GRK3: variants seen among roughly 807,000 people sequenced by gnomAD.
GRK3 encodes the protein adrenergic, beta, receptor kinase 2.
In GRK3, 54 loss-of-function variants were observed where a neutral mutation model predicts 95.7. The ratio of observed to expected loss-of-function variants is 0.56; its 90% CI spans 0.45 to 0.71. GRK3 has a LOEUF of 0.71. GRK3 is among the 30% of genes least tolerant of loss of function. GRK3 has a pLI of 0.00. For synonymous variants in GRK3, 281 were observed against 290.8 expected (o/e 0.97, Z 0.34); for missense variants, 649 against 851.2 (o/e 0.76, Z 2.96).
chr22:25,587,880 C>A (rs1454973030), intron 1 of GRK3, among the ~76,000 whole-genome samples: 1 of 152,220 alleles, frequency 6.6e-6, no homozygotes, highest in Non-Finnish European at 1.5e-5. Context: ...GATTGTGAGG[C>A]CTCCCCAGCC....
Position 25,627,087 on chromosome 22 carries a change from G to C in GRK3, c.191-17505G>C, listed in dbSNP as rs547991334. On this transcript the variant is annotated intron_variant, in intron 2 of 20. Coordinates refer to ENST00000324198, the MANE Select transcript of GRK3 (RefSeq NM_005160.4). ...CATATTGCAGAGTACCTTGGGGAAG[G>C]GGAAGGAGGACAGATTCATAATACC... Among the ~76,000 whole-genome samples the C allele has an allele frequency of 7.9e-5, 12 of 152,262 alleles. No homozygotes were observed. In the East Asian group the frequency reaches 2.3e-3, roughly 29 times the overall value.
chr22:25,671,456 TAAAG>T (rs2084982660), intron 6 of GRK3, among the ~76,000 whole-genome samples: 1 of 152,226 alleles, frequency 6.6e-6, no homozygotes, highest in African/African-American at 2.4e-5. Context: ...TCCTCATGGA[TAAAG>T]AAAACACTCA....
intron 13 of GRK3, among the ~76,000 whole-genome samples, chr22:25,695,941 C>A (rs1734671363): frequency 6.6e-6 from 1 of 151,644 alleles, no homozygotes; most frequent in African/African-American, 2.4e-5. Context: ...TCACGCCATT[C>A]TCCTGCCTCA....
chr22:25,593,364 TTTTC>T lies in GRK3; in HGVS notation c.114-11001_114-10998del, dbSNP rs540510415. The stretch of plus-strand genomic sequence containing the variant: ...GCATCTGTTTCTTTCTTTTCTTTTC[TTTTC>T]TTTCTTTCTTTTTTTAAATAATAGC... On this transcript the variant is annotated intron_variant, in intron 1 of 20. Transcript: ENST00000324198. Among the ~76,000 whole-genome samples, 300 of 152,116 alleles carry T rather than the reference TTTTC, an allele frequency of 2.0e-3. 1 individual carries two copies. The highest frequency in any genetic ancestry group is 6.8e-3 in the African/African-American group (283 of 41,548).
chr22:25,648,476 G>A, intron 3 of GRK3: 1 of 1,373,584 alleles, frequency 7.3e-7, no homozygotes, highest in Non-Finnish European at 1.0e-6. Context: ...TTGGCAAAGT[G>A]TGGATGGGAA....
chr22:25,647,396 A>C, intron 3 of GRK3: 1 of 1,320,270 alleles, frequency 7.6e-7, no homozygotes, highest in Admixed American at 1.7e-5. Context: ...CATCTTCAGC[A>C]AAGGGAACAG....
chr22:25,574,310 C>A (rs1452327202), intron 1 of GRK3, among the ~76,000 whole-genome samples: 1 of 152,092 alleles, frequency 6.6e-6, no homozygotes, highest in Non-Finnish European at 1.5e-5. Flanking sequence ...CATGGTGAAA[C>A]CCTGTCTCTA....
At position 25,723,119 on chromosome 22, in the gene GRK3, G is replaced by A. The variant is rs371784005; in HGVS notation, c.*669G>A. 13 of 152,202 alleles carry A rather than the reference G, an allele frequency of 8.5e-5. No individual in the cohort carries two copies. The highest frequency in any genetic ancestry group is 3.1e-4 in the African/African-American group (13 of 41,440). 9.4% of individuals were successfully genotyped at this position (152,202 alleles called of 1,614,324 possible). The stretch of plus-strand genomic sequence containing the variant: ...GTATGGGATTAACTAATCATTGAAG[G>A]CATTCATCCGTCCATCATTGGAAAG... On this transcript the variant is annotated 3_prime_UTR_variant, in exon 21 of 21. Coordinates refer to ENST00000324198, the MANE Select transcript of GRK3 (RefSeq NM_005160.4).
chr22:25,602,637 G>A (rs1569159940), intron 1 of GRK3, among the ~76,000 whole-genome samples: 1 of 152,162 alleles, frequency 6.6e-6, no homozygotes. Context: ...AGAAAGGAAC[G>A]AAATACTTAT....
intron 12 of GRK3, among the ~76,000 whole-genome samples, chr22:25,694,865 A>G (rs1056655524): frequency 6.6e-6 from 1 of 152,210 alleles, no homozygotes; most frequent in Non-Finnish European, 1.5e-5. Flanking sequence ...GAGATCCCGA[A>G]CTTGCATTTT....
chr22:25,673,263 C>T (rs965726010), intron 7 of GRK3, among the ~76,000 whole-genome samples: 2 of 152,002 alleles, frequency 1.3e-5, no homozygotes, highest in Admixed American at 6.6e-5. Flanking sequence ...GGGGTTTCAC[C>T]GTGTTTGCCA....
Position 25,604,706 on chromosome 22 carries a change from G to A in GRK3, c.190+253G>A, listed in dbSNP as rs1457062604. ...GAACTCAGCGTTGCTGAATGTAAGA[G>A]AATAGGATATTCCTTTCTTTTCTTT... On this transcript the variant is annotated intron_variant, in intron 2 of 20. Transcript: ENST00000324198. Among the ~76,000 whole-genome samples, 4 of 152,248 alleles carry A rather than the reference G, an allele frequency of 2.6e-5. No homozygotes were observed. The South Asian group carries it at 6.2e-4, about 24-fold the overall frequency.
At chr22:25,668,714 T>C (rs1341713196) in intron 6 of GRK3, among the ~76,000 whole-genome samples, 1 of 152,126 alleles carries the variant, frequency 6.6e-6, no homozygotes, top group African/African-American at 2.4e-5. Context: ...CAGGGCTGAG[T>C]TGCAGCCAAG....
chr22:25,649,158 T>A, intron 3 of GRK3: 1 of 1,399,302 alleles, frequency 7.1e-7, no homozygotes, highest in South Asian at 1.2e-5. Flanking sequence ...AAGACCAACA[T>A]TTGAATATGT....
At chr22:25,679,618 TG>T (rs2085059331) in intron 9 of GRK3, among the ~76,000 whole-genome samples, 1 of 152,224 alleles carries the variant, frequency 6.6e-6, no homozygotes, top group African/African-American at 2.4e-5. Flanking sequence ...TCTGTACAGA[TG>T]CCAGTGTATG....
chr22:25,720,467 C>CTTTT lies in GRK3; in HGVS notation c.1792-793_1792-790dup, dbSNP rs963248407. Among the ~76,000 whole-genome samples, 50 of 102,576 alleles carry CTTTT rather than the reference C, an allele frequency of 4.9e-4. 4 individuals are homozygous for CTTTT. The highest frequency in any genetic ancestry group is 1.1e-3 in the African/African-American group (29 of 25,894). 67.3% of individuals were successfully genotyped at this position (102,576 alleles called of 152,430 possible). A position where few individuals can be genotyped will look rare whatever the true frequency, so the allele number is the denominator to read the frequency against. On this transcript the variant is annotated intron_variant, in intron 19 of 20. Coordinates refer to ENST00000324198, the MANE Select transcript of GRK3 (RefSeq NM_005160.4). ...TCACTTTAAGGAATAATACTATAGA[C>CTTTT]TTTTTTTTTTTTTTTTTTTTTTTTT...
intron 1 of GRK3, among the ~76,000 whole-genome samples, chr22:25,568,684 T>C (rs1014299420): frequency 6.6e-6 from 1 of 152,184 alleles, no homozygotes; most frequent in Non-Finnish European, 1.5e-5. Flanking sequence ...TATAGACTAG[T>C]GTGAAATACA....
chr22:25,672,231 T>C, intron 6 of GRK3, 65 bp from the exon 7 acceptor site: 1 of 799,248 alleles, frequency 1.3e-6, no homozygotes, highest in Non-Finnish European at 2.1e-6. Context: ...TGTCTTACGG[T>C]GTTGTTTTGT....
chr22:25,584,776 T>G (rs1291050068), intron 1 of GRK3, among the ~76,000 whole-genome samples: 1 of 152,268 alleles, frequency 6.6e-6, no homozygotes, highest in African/African-American at 2.4e-5. Context: ...CCACTGGCCT[T>G]GTATTTCTTT....
Sources: allele counts gnomAD v4.1 joint callset (sites outside exome capture counted in the v4.1 genomes callset), GRCh38; gene constraint gnomAD v4.1.1; transcripts MANE v1.5; gene names NCBI Gene and HGNC (gene_info 2026-07-23, HGNC 2026-07-21).